CSMD3: variants seen among roughly 807,000 people sequenced by gnomAD.
CSMD3 encodes the protein CUB and Sushi multiple domains 3, also known as CUB and sushi domain-containing protein 3.
Under a neutral mutation model 435.2 loss-of-function variants are expected in CSMD3, and 177 were observed. The observed-to-expected ratio is 0.41, with a 90% CI of 0.36 to 0.46. The LOEUF (loss-of-function observed/expected upper bound fraction) is 0.46. Ranked by LOEUF, CSMD3 falls within the 20% of genes least tolerant of loss-of-function variation. CSMD3 has a pLI of 0.34. For synonymous variants in CSMD3, 1,656 were observed against 1,520.5 expected (o/e 1.09, Z -2.07); for missense variants, 4,265 against 4,504.6 (o/e 0.95, Z 1.52).
chr8:112,408,304 A>G lies in CSMD3; in HGVS notation c.5605+14T>C, dbSNP rs756115616. 1 of 1,481,848 alleles carries G rather than the reference A, an allele frequency of 6.7e-7. No individual in the cohort carries two copies. The highest frequency in any genetic ancestry group is 9.4e-7 in the Non-Finnish European group (1 of 1,059,714). 91.8% of individuals were successfully genotyped at this position (1,481,848 alleles called of 1,614,324 possible). The stretch of plus-strand genomic sequence containing the variant: ...TCATTCCTTAGTGTGTTTCTAGACT[A>G]CAGGGTCACTTACCTTGGTAAACAA... On this transcript the variant is annotated intron_variant, in intron 34 of 70. Coordinates refer to ENST00000297405, the MANE Select transcript of CSMD3 (RefSeq NM_198123.2).
At chr8:112,650,429 C>T (rs983219540) in intron 18 of CSMD3, 80 bp from the exon 19 acceptor site, 26 of 1,056,072 alleles carry the variant, frequency 2.5e-5, no homozygotes, top group Non-Finnish European at 3.4e-5. Context: ...GTTCTTCAAA[C>T]AATTACAAGC....
intron 45 of CSMD3, among the ~76,000 whole-genome samples, chr8:112,322,823 T>G (rs1000454638): frequency 1.3e-5 from 2 of 152,094 alleles, no homozygotes; most frequent in Non-Finnish European, 2.9e-5. Flanking sequence ...TGGGTCCCTA[T>G]GTAGACTTTA....
intron 16 of CSMD3, among the ~76,000 whole-genome samples, chr8:112,677,961 A>G (rs1317947366): frequency 6.6e-6 from 1 of 152,168 alleles, no homozygotes; most frequent in Non-Finnish European, 1.5e-5. Context: ...AAGGTATTGT[A>G]TAAGCTAATG....
intron 9 of CSMD3, among the ~76,000 whole-genome samples, chr8:112,924,809 T>C (rs1406504113): frequency 6.6e-6 from 1 of 152,022 alleles, no homozygotes; most frequent in African/African-American, 2.4e-5. Context: ...ATCACAGGTA[T>C]CTCCTTTCAA....
At chr8:112,736,497 T>C (rs1021405840) in intron 13 of CSMD3, among the ~76,000 whole-genome samples, 1 of 152,010 alleles carries the variant, frequency 6.6e-6, no homozygotes, top group Admixed American at 6.6e-5. Flanking sequence ...TGAACTCTCA[T>C]AGTCTGCAGT....
At chr8:113,429,102 C>T (rs1375868862) in intron 1 of CSMD3, among the ~76,000 whole-genome samples, 1 of 151,690 alleles carries the variant, frequency 6.6e-6, no homozygotes, top group Non-Finnish European at 1.5e-5. Flanking sequence ...CTTAACTTTG[C>T]AAATTTTACT....
intron 13 of CSMD3, among the ~76,000 whole-genome samples, chr8:112,759,982 G>A (rs2077797812): frequency 6.6e-6 from 1 of 152,068 alleles, no homozygotes; most frequent in Non-Finnish European, 1.5e-5. Context: ...TTTGGAAACT[G>A]AGGCAAGGTA....
intron 9 of CSMD3, among the ~76,000 whole-genome samples, chr8:112,945,420 C>T (rs2083572288): frequency 6.6e-6 from 1 of 151,686 alleles, no homozygotes; most frequent in Non-Finnish European, 1.5e-5. Context: ...TACAACTTCC[C>T]ATCATAGGCA....
chr8:113,056,908 T>C (rs1164290202), intron 5 of CSMD3, among the ~76,000 whole-genome samples: 5 of 152,214 alleles, frequency 3.3e-5, no homozygotes, highest in Non-Finnish European at 5.9e-5. Context: ...CTGGAAATTC[T>C]GGTCTTCGTT....
At chr8:112,467,672 T>C (rs967327660) in intron 32 of CSMD3, among the ~76,000 whole-genome samples, 11 of 151,744 alleles carry the variant, frequency 7.2e-5, no homozygotes, top group East Asian at 1.9e-4. Context: ...CATATTGGAG[T>C]AGAGTGGGCC....
chr8:113,415,112 G>A (rs2094576318), intron 1 of CSMD3, among the ~76,000 whole-genome samples: 1 of 152,178 alleles, frequency 6.6e-6, no homozygotes, highest in Non-Finnish European at 1.5e-5. Flanking sequence ...TTTGGATCAT[G>A]AAGGCAATTG....
intron 2 of CSMD3, chr8:113,311,395 A>G (rs996791731): frequency 1.3e-5 from 2 of 152,174 alleles, no homozygotes; most frequent in Admixed American, 1.3e-4. Flanking sequence ...TATTTATACA[A>G]GCAAGAATGA....
intron 23 of CSMD3, among the ~76,000 whole-genome samples, chr8:112,583,574 T>C (rs1171581056): frequency 1.3e-5 from 2 of 151,998 alleles, no homozygotes; most frequent in Non-Finnish European, 2.9e-5. Flanking sequence ...ATTAAAATTT[T>C]CCAAAAATAA....
At position 112,553,609 on chromosome 8, in the gene CSMD3, C is replaced by T. The variant is rs541471853; in HGVS notation, c.4235-889G>A. ...GTGCATGAGAACCCTCCCCTTATGG[C>T]TTTCCCAGCTCTGTTTGTCAGAGTT... On this transcript the variant is annotated intron_variant, in intron 25 of 70. Transcript: ENST00000297405. Among the ~76,000 whole-genome samples, 614 of 152,162 alleles carry T rather than the reference C, an allele frequency of 4.0e-3. 4 individuals are homozygous for T. Among genetic ancestry groups the T allele is most frequent in the African/African-American group, 0.013 (533 of 41,560 alleles).
rs184784939 is a variant in CSMD3 at position 112,523,395 on chromosome 8, A to G, written c.4565-6170T>C. Among the ~76,000 whole-genome samples, 7 of 152,116 alleles carry G rather than the reference A, an allele frequency of 4.6e-5. No homozygotes were observed. The East Asian group carries it at 1.4e-3, about 29-fold the overall frequency. On this transcript the variant is annotated intron_variant, in intron 27 of 70. Coordinates refer to ENST00000297405, the MANE Select transcript of CSMD3 (RefSeq NM_198123.2). Reference sequence around the variant, plus strand: ...TACAATTCTGAAATGAAAAAACACAAGTACACTTTAATATGCTCTGTATAG... The same window carrying G: ...TACAATTCTGAAATGAAAAAACACAGGTACACTTTAATATGCTCTGTATAG...
intron 13 of CSMD3, among the ~76,000 whole-genome samples, chr8:112,692,083 G>A (rs1200140707): frequency 6.6e-6 from 1 of 152,052 alleles, no homozygotes; most frequent in Non-Finnish European, 1.5e-5. Flanking sequence ...AATTACAGGT[G>A]TGAGCCACTG....
At chr8:113,067,912 G>A (rs1381884702) in intron 5 of CSMD3, among the ~76,000 whole-genome samples, 3 of 152,044 alleles carry the variant, frequency 2.0e-5, no homozygotes, top group Admixed American at 2.0e-4. Context: ...GCAACATTCT[G>A]CTTCAGTGGT....
At chr8:112,237,866 G>A (rs1164446230) in intron 66 of CSMD3, among the ~76,000 whole-genome samples, 1 of 151,986 alleles carries the variant, frequency 6.6e-6, no homozygotes, top group Non-Finnish European at 1.5e-5. Context: ...AATAACAGGT[G>A]CTCCTGAAGA....
intron 30 of CSMD3, among the ~76,000 whole-genome samples, chr8:112,501,713 A>G (rs926695214): frequency 6.6e-6 from 1 of 152,198 alleles, no homozygotes; most frequent in African/African-American, 2.4e-5. Context: ...AGAATCTCAC[A>G]GATATGTTCA....
Sources: gnomAD v4.1 joint callset for allele counts (sites outside exome capture counted in the v4.1 genomes callset) on GRCh38, gnomAD v4.1.1 for gene constraint, MANE v1.5 for transcripts, NCBI Gene and HGNC (gene_info 2026-07-23, HGNC 2026-07-21) for gene names.